Variants in LDLRAD3 observed in about 807,000 individuals in gnomAD.
The protein encoded by LDLRAD3 is low density lipoprotein receptor class A domain containing 3, also known as low-density lipoprotein receptor class A domain-containing protein 3.
Under a neutral mutation model 29.4 loss-of-function variants are expected in LDLRAD3, and 20 were observed. That is an observed-to-expected ratio of 0.68 (90% CI 0.48 to 0.99). The LOEUF (loss-of-function observed/expected upper bound fraction) is 0.99. Among genes scored for constraint, LDLRAD3 ranks in the 50% least tolerant of loss-of-function variants. The pLI, the probability that LDLRAD3 is intolerant of heterozygous loss-of-function variation, is 0.00. For missense variants in LDLRAD3, 420 were observed against 454.3 expected (o/e 0.92, Z 0.69); for synonymous variants, 157 against 192.7 (o/e 0.81, Z 1.53).
At chr11:36,095,161 G>T (rs1275414744) in intron 3 of LDLRAD3, among the ~76,000 whole-genome samples, 1 of 152,234 alleles carries the variant, frequency 6.6e-6, no homozygotes, top group Non-Finnish European at 1.5e-5. Flanking sequence ...ACTGCAGTCG[G>T]TGACTGAGAC....
chr11:36,214,471 A>G (rs1855325929), intron 4 of LDLRAD3, among the ~76,000 whole-genome samples: 1 of 152,212 alleles, frequency 6.6e-6, no homozygotes, highest in African/African-American at 2.4e-5. Flanking sequence ...GTGAGAAGGA[A>G]GATTCTAGAA....
At chr11:35,949,601 A>C (rs1851105576) in intron 1 of LDLRAD3, among the ~76,000 whole-genome samples, 1 of 152,162 alleles carries the variant, frequency 6.6e-6, no homozygotes, top group Non-Finnish European at 1.5e-5. Flanking sequence ...GTGTTTTTAG[A>C]AGTTTTCATC....
intron 1 of LDLRAD3, among the ~76,000 whole-genome samples, chr11:35,946,042 C>A (rs113213922): frequency 8.5e-5 from 13 of 152,118 alleles, no homozygotes; most frequent in Admixed American, 6.5e-4. Flanking sequence ...GGAGTGTGTG[C>A]ATCTTTCATG....
intron 4 of LDLRAD3, among the ~76,000 whole-genome samples, chr11:36,215,550 C>T (rs534934362): frequency 3.3e-5 from 5 of 152,130 alleles, no homozygotes; most frequent in Non-Finnish European, 5.9e-5. Context: ...GCTCCCCTTT[C>T]GGGCATGCTC....
chr11:36,141,955 G>A (rs962544048), intron 4 of LDLRAD3, among the ~76,000 whole-genome samples: 1 of 152,374 alleles, frequency 6.6e-6, no homozygotes, highest in East Asian at 1.9e-4. Flanking sequence ...AGTATCAGAG[G>A]TTGTTTTCTT....
intron 1 of LDLRAD3, among the ~76,000 whole-genome samples, chr11:36,011,632 T>C (rs561957037): frequency 6.6e-6 from 1 of 152,326 alleles, no homozygotes; most frequent in East Asian, 1.9e-4. Flanking sequence ...TTGTAACTTA[T>C]GTATTCTTCA....
intron 1 of LDLRAD3, among the ~76,000 whole-genome samples, chr11:35,994,575 G>A (rs1851730731): frequency 6.6e-6 from 1 of 152,060 alleles, no homozygotes; most frequent in Non-Finnish European, 1.5e-5. Flanking sequence ...TGAAGGTTGG[G>A]GTGGCTGTGG....
chr11:36,118,734 C>G (rs965951431), intron 4 of LDLRAD3, among the ~76,000 whole-genome samples: 1 of 152,066 alleles, frequency 6.6e-6, no homozygotes, highest in Non-Finnish European at 1.5e-5. Context: ...GCACACAATT[C>G]AATGTGTATT....
chr11:35,961,076 C>G (rs946897399), intron 1 of LDLRAD3, among the ~76,000 whole-genome samples: 32 of 152,218 alleles, frequency 2.1e-4, no homozygotes, highest in Non-Finnish European at 4.7e-4. Flanking sequence ...CAGGCCCCAG[C>G]TCTGGACCGT....
chr11:36,036,085 GTCCCCT>G lies in LDLRAD3; in HGVS notation c.47-17_47-12del. 1 of 1,612,432 alleles carries G rather than the reference GTCCCCT, an allele frequency of 6.2e-7. No individual in the cohort carries two copies. The highest frequency in any genetic ancestry group is 2.2e-5 in the East Asian group (1 of 44,832). On this transcript the variant is annotated splice_polypyrimidine_tract_variant and intron_variant, in intron 1 of 5. Transcript: ENST00000315571. ...CTGCTGTTGCTGTGCCGTCTGACCT[GTCCCCT>G]CTCTCTGACAGAGAGCCAGCTGCTC...
intron 2 of LDLRAD3, among the ~76,000 whole-genome samples, chr11:36,045,399 A>G (rs1001397012): frequency 3.9e-5 from 6 of 152,234 alleles, no homozygotes; most frequent in Admixed American, 2.0e-4. Context: ...GGCTTAGAAC[A>G]ACAGATATTT....
At chr11:36,065,103 A>G (rs1307165427) in intron 2 of LDLRAD3, among the ~76,000 whole-genome samples, 2 of 152,208 alleles carry the variant, frequency 1.3e-5, no homozygotes, top group Non-Finnish European at 2.9e-5. Flanking sequence ...CCATTATTGA[A>G]GATGGAGTAC....
intron 4 of LDLRAD3, among the ~76,000 whole-genome samples, chr11:36,143,333 T>G (rs1854114740): frequency 6.6e-6 from 1 of 152,198 alleles, no homozygotes; most frequent in Non-Finnish European, 1.5e-5. Flanking sequence ...CTCTACCTCT[T>G]TCCCGTGGTG....
In LDLRAD3 at chr11:35,985,646, C is replaced by CG. The variant is rs375020102; in HGVS notation, c.46+41507dup. Among the ~76,000 whole-genome samples, 765 of 152,194 alleles carry CG rather than the reference C, an allele frequency of 5.0e-3. 5 individuals carry two copies. The highest frequency in any genetic ancestry group is 0.018 in the African/African-American group (732 of 41,524). On this transcript the variant is annotated intron_variant, in intron 1 of 5. Coordinates refer to ENST00000315571, the MANE Select transcript of LDLRAD3 (RefSeq NM_174902.4). ...GATCTGGTGGGAGGTAACTGAATCA[C>CG]GGGGGCAGGTTTTTCCAATGCCATT...
intron 2 of LDLRAD3, among the ~76,000 whole-genome samples, chr11:36,070,857 G>A (rs968814636): frequency 7.9e-5 from 12 of 152,150 alleles, no homozygotes; most frequent in African/African-American, 2.2e-4. Context: ...TCCTAAGAGC[G>A]AGAGCCTGCC....
intron 1 of LDLRAD3, chr11:35,968,720 T>C (rs191588122): frequency 6.8e-5 from 11 of 161,598 alleles, no homozygotes; most frequent in Admixed American, 6.8e-4. Context: ...GCCTCAGTTT[T>C]TTGTTAATAT....
At chr11:36,000,497 A>G (rs1851809948) in intron 1 of LDLRAD3, among the ~76,000 whole-genome samples, 1 of 152,110 alleles carries the variant, frequency 6.6e-6, no homozygotes, top group Admixed American at 6.5e-5. Flanking sequence ...TTATTACTTA[A>G]AAAAGATAGG....
intron 4 of LDLRAD3, among the ~76,000 whole-genome samples, chr11:36,108,916 G>T (rs1472350352): frequency 6.6e-6 from 1 of 152,110 alleles, no homozygotes; most frequent in Non-Finnish European, 1.5e-5. Context: ...CAGTAGGGTG[G>T]GGTTAGTGGG....
rs1296828860 is a variant in LDLRAD3 at position 36,176,277 on chromosome 11, G to C, written c.455-50808G>C. ...CATTCTGATATTCTTTCTCTTTTAA[G>C]TGGAGTACTTAGGCCATTTACTTTC... On this transcript the variant is annotated intron_variant, in intron 4 of 5. Transcript: ENST00000315571. Among the ~76,000 whole-genome samples, 3 of 152,114 alleles carry C rather than the reference G, an allele frequency of 2.0e-5. 1 individual carries two copies. Among genetic ancestry groups the C allele is most frequent in the Admixed American group, 2.0e-4 (3 of 15,264 alleles).
Sources: allele counts gnomAD v4.1 joint callset (sites outside exome capture counted in the v4.1 genomes callset), GRCh38; gene constraint gnomAD v4.1.1; transcripts MANE v1.5; gene names NCBI Gene and HGNC (gene_info 2026-07-23, HGNC 2026-07-21).